The following GPR176 variants were observed in gnomAD, a reference collection of about 807,000 sequenced individuals.
GPR176 encodes the protein G-protein coupled receptor 176.
GPR176 carries 26 observed loss-of-function variants against 35.4 expected under a neutral mutation model. The ratio of observed to expected loss-of-function variants is 0.74; its 90% confidence interval spans 0.54 to 1.02. The LOEUF is 1.02. Among genes scored for constraint, GPR176 ranks in the 50% least tolerant of loss-of-function variants. The pLI, the probability that GPR176 is intolerant of heterozygous loss-of-function variation, is 0.00. For synonymous variants in GPR176, 278 were observed against 271.3 expected, an observed-to-expected ratio of 1.02 and a Z score of -0.24; for missense variants, 597 against 665.3, an observed-to-expected ratio of 0.90 and a Z score of 1.13.
chr15:39,893,554 T>G (rs2032954759), intron 1 of GPR176, among the ~76,000 whole-genome samples: 1 of 152,242 alleles, frequency 6.6e-6, no homozygotes, highest in Non-Finnish European at 1.5e-5. Flanking sequence ...TTCCCCAACT[T>G]TCCCGCCTTT....
At chr15:39,916,675 C>G (rs773081508) in intron 1 of GPR176, among the ~76,000 whole-genome samples, 2 of 151,958 alleles carry the variant, frequency 1.3e-5, no homozygotes, top group African/African-American at 4.8e-5. Context: ...TAAAGAAAAA[C>G]GAATTTGTCT....
chr15:39,891,309 G>A (rs2032862946), intron 1 of GPR176, among the ~76,000 whole-genome samples: 1 of 152,096 alleles, frequency 6.6e-6, no homozygotes, highest in East Asian at 1.9e-4. Context: ...ATTCCAAAGG[G>A]CCACTCTCAA....
intron 1 of GPR176, among the ~76,000 whole-genome samples, chr15:39,880,216 C>T (rs1203690975): frequency 6.6e-6 from 1 of 152,194 alleles, no homozygotes; most frequent in African/African-American, 2.4e-5. Flanking sequence ...ACAGTTCTCT[C>T]CCAAAGTCAT....
chr15:39,835,521 A>G (rs1287382417), intron 1 of GPR176, among the ~76,000 whole-genome samples: 1 of 152,162 alleles, frequency 6.6e-6, no homozygotes, highest in East Asian at 1.9e-4. Flanking sequence ...CTCTGCCCCA[A>G]AAAATTCTCA....
chr15:39,852,725 A>C (rs916951279), intron 1 of GPR176, among the ~76,000 whole-genome samples: 6 of 152,136 alleles, frequency 3.9e-5, no homozygotes, highest in African/African-American at 1.2e-4. Flanking sequence ...CAAAACTATC[A>C]TTACTAACAG....
At chr15:39,869,572 ATT>A (rs2031969467) in intron 1 of GPR176, among the ~76,000 whole-genome samples, 2 of 151,290 alleles carry the variant, frequency 1.3e-5, no homozygotes, top group South Asian at 4.2e-4. Context: ...TCCATTCCTT[ATT>A]TTTTTCTTCT....
At position 39,800,952 on chromosome 15, in the gene GPR176, A is replaced by G; in HGVS notation, c.*180T>C. 1.7e-6 allele frequency: 1 copy of G among 600,248 alleles called. No individual in the cohort carries two copies. The highest frequency in any genetic ancestry group is 2.0e-5 in the South Asian group (1 of 50,778). The allele number at this position is 600,248 out of a possible 1,614,324, so 37.2% of individuals were successfully genotyped here. A position where few individuals can be genotyped will look rare whatever the true frequency, so the allele number is the denominator to read the frequency against. Reference sequence around the variant, plus strand: ...TGAGATGGATACATATACTCCCTCAATAAAGAGGACACTGGATTTTATGTA... The same window carrying G: ...TGAGATGGATACATATACTCCCTCAGTAAAGAGGACACTGGATTTTATGTA... On this transcript the variant is annotated 3_prime_UTR_variant, in exon 3 of 3. Transcript: ENST00000561100.
intron 1 of GPR176, among the ~76,000 whole-genome samples, chr15:39,872,475 A>G (rs778400970): frequency 1.3e-4 from 20 of 152,180 alleles, no homozygotes; most frequent in Non-Finnish European, 2.6e-4. Context: ...AAATAGACCA[A>G]CTTTATCCTC....
intron 1 of GPR176, among the ~76,000 whole-genome samples, chr15:39,888,344 G>A (rs1336894603): frequency 6.6e-6 from 1 of 151,980 alleles, no homozygotes; most frequent in East Asian, 1.9e-4. Flanking sequence ...GGAGTGTAGC[G>A]ACATGATCAT....
chr15:39,820,222 A>G (rs1054838159), intron 1 of GPR176, among the ~76,000 whole-genome samples: 3 of 152,192 alleles, frequency 2.0e-5, no homozygotes, highest in African/African-American at 7.2e-5. Context: ...AGATAGGGCA[A>G]GAGCTGGGGG....
intron 1 of GPR176, among the ~76,000 whole-genome samples, chr15:39,870,921 G>A (rs988914533): frequency 3.3e-5 from 5 of 152,072 alleles, no homozygotes; most frequent in African/African-American, 7.2e-5. Context: ...CAACTTGAAT[G>A]GGCTTGGAAG....
At chr15:39,869,541 T>C (rs1194842446) in intron 1 of GPR176, among the ~76,000 whole-genome samples, 1 of 152,212 alleles carries the variant, frequency 6.6e-6, no homozygotes, top group Non-Finnish European at 1.5e-5. Context: ...ACAGAGCACA[T>C]CTGTGGCCAA....
intron 1 of GPR176, among the ~76,000 whole-genome samples, chr15:39,850,252 T>C (rs1035895833): frequency 2.0e-5 from 3 of 152,132 alleles, no homozygotes; most frequent in African/African-American, 7.2e-5. Context: ...ACTATGGCAT[T>C]ACAATGACTA....
intron 1 of GPR176, chr15:39,807,528 CT>C: frequency 6.6e-7 from 1 of 1,507,530 alleles, no homozygotes; most frequent in Non-Finnish European, 8.9e-7. Context: ...ATAACGATGG[CT>C]TAGTCTCATC....
intron 1 of GPR176, among the ~76,000 whole-genome samples, chr15:39,839,204 C>T (rs1012509258): frequency 6.6e-6 from 1 of 152,106 alleles, no homozygotes; most frequent in Non-Finnish European, 1.5e-5. Context: ...AAGAACAAAG[C>T]TGGAGGCATC....
intron 1 of GPR176, among the ~76,000 whole-genome samples, chr15:39,851,823 C>A (rs1566951093): frequency 6.6e-6 from 1 of 152,170 alleles, no homozygotes; most frequent in Non-Finnish European, 1.5e-5. Flanking sequence ...CCAGTCATCT[C>A]TTTTGTCTGA....
intron 1 of GPR176, among the ~76,000 whole-genome samples, chr15:39,856,933 T>A (rs938870684): frequency 6.6e-6 from 1 of 152,182 alleles, no homozygotes. Context: ...GCATTCCATA[T>A]GTATTTATTG....
In GPR176 at chr15:39,907,670, C is replaced by A. The variant is rs141228363; in HGVS notation, c.172+12185G>T. Among the ~76,000 whole-genome samples the A allele has an allele frequency of 1.9e-3, 284 of 152,280 alleles. 1 individual carries two copies. Among genetic ancestry groups the A allele is most frequent in the African/African-American group, 6.3e-3 (260 of 41,542 alleles). ...CAGGAAAACTGAAGCCGGTTTATGA[C>A]CTAGAGGCTATTGAGTTCATCATCT... On this transcript the variant is annotated intron_variant, in intron 1 of 2. Coordinates refer to ENST00000561100, the MANE Select transcript of GPR176 (RefSeq NM_007223.3).
intron 1 of GPR176, among the ~76,000 whole-genome samples, chr15:39,828,281 A>G (rs1900820507): frequency 6.6e-6 from 1 of 152,320 alleles, no homozygotes; most frequent in African/African-American, 2.4e-5. Flanking sequence ...TCTGTGTGGG[A>G]AAGGCAGGAG....
Sources: gnomAD v4.1 joint callset for allele counts (sites outside exome capture counted in the v4.1 genomes callset) on GRCh38, gnomAD v4.1.1 for gene constraint, MANE v1.5 for transcripts, NCBI Gene and HGNC (gene_info 2026-07-23, HGNC 2026-07-21) for gene names.